ITGA8: variants seen among roughly 807,000 people sequenced by gnomAD.
ITGA8 encodes integrin subunit alpha 8.
ITGA8 carries 91 observed loss-of-function variants against 142.3 expected under a neutral mutation model. That is an observed-to-expected ratio of 0.64 (90% CI 0.54 to 0.76). The LOEUF (loss-of-function observed/expected upper bound fraction) is 0.76. Ranked by LOEUF, ITGA8 falls within the 30% of genes least tolerant of loss-of-function variation. The pLI is 0.00. For missense variants in ITGA8, 1,406 were observed against 1,327.7 expected (o/e 1.06, Z -0.92); for synonymous variants, 505 against 485.2 (o/e 1.04, Z -0.54).
intron 28 of ITGA8, among the ~76,000 whole-genome samples, chr10:15,520,911 G>C (rs1187632490): frequency 6.6e-6 from 1 of 152,178 alleles, no homozygotes; most frequent in African/African-American, 2.4e-5. Flanking sequence ...AAGGTTGGCG[G>C]CTCTGAGATT....
chr10:15,531,076 C>T lies in ITGA8; in HGVS notation c.2956G>A (p.Ala986Thr), dbSNP rs866133845. The change falls in exon 28 of 30, where the codon GCA becomes ACA. Residue 986 changes from alanine (A) to threonine (T), a missense_variant. Transcript: ENST00000378076. Reference protein sequence around the residue: ...VKKMPYTDQPAKLPEGSIVIK... With the variant: ...VKKMPYTDQPTKLPEGSIVIK... ...ACTATGCTTCCTTCTGGGAGTTTTGCTGGCTGATCTGTATAAGGCATCTTC... is the reference window on the plus strand; with the variant it reads ...ACTATGCTTCCTTCTGGGAGTTTTGTTGGCTGATCTGTATAAGGCATCTTC... The T allele has an allele frequency of 6.3e-7, 1 of 1,578,072 alleles. No individual in the cohort carries two copies. The highest frequency in any genetic ancestry group is 8.6e-7 in the Non-Finnish European group (1 of 1,162,556).
chr10:15,673,552 C>T lies in ITGA8; in HGVS notation c.677-803G>A, dbSNP rs12243920. On this transcript the variant is annotated intron_variant, in intron 6 of 29. Transcript: ENST00000378076. ...TATCAGGCATTACAGCCAACATTTCCTTTGGTATTCTAATAAAACATTTTG... is the reference window on the plus strand; with the variant it reads ...TATCAGGCATTACAGCCAACATTTCTTTTGGTATTCTAATAAAACATTTTG... Among the ~76,000 whole-genome samples, 658 of 152,250 alleles carry T rather than the reference C, an allele frequency of 4.3e-3. 2 individuals are homozygous for T. Among genetic ancestry groups the T allele is most frequent in the Middle Eastern group, 0.024 (7 of 294 alleles).
At chr10:15,656,087 A>C (rs955190869) in intron 10 of ITGA8, among the ~76,000 whole-genome samples, 2 of 152,180 alleles carry the variant, frequency 1.3e-5, no homozygotes, top group African/African-American at 4.8e-5. Flanking sequence ...CCTGTCTCAA[A>C]AGACAATATT....
chr10:15,571,111 G>A (rs1834173288), intron 25 of ITGA8, among the ~76,000 whole-genome samples: 1 of 152,202 alleles, frequency 6.6e-6, no homozygotes, highest in Non-Finnish European at 1.5e-5. Context: ...TAACACAAGT[G>A]GCCTTATGTA....
At chr10:15,559,373 GTA>G (rs1833936796) in intron 25 of ITGA8, among the ~76,000 whole-genome samples, 1 of 152,198 alleles carries the variant, frequency 6.6e-6, no homozygotes, top group Admixed American at 6.5e-5. Flanking sequence ...CTATCCAGCT[GTA>G]CCTAAGCTGC....
intron 27 of ITGA8, among the ~76,000 whole-genome samples, chr10:15,547,241 C>CCCT (rs1833690847): frequency 1.3e-5 from 2 of 152,170 alleles, no homozygotes; most frequent in Non-Finnish European, 2.9e-5. Context: ...ATGAAACTCT[C>CCCT]ATTTTCTTAG....
chr10:15,681,973 T>G (rs1208141598), intron 4 of ITGA8, among the ~76,000 whole-genome samples: 1 of 152,198 alleles, frequency 6.6e-6, no homozygotes, highest in Non-Finnish European at 1.5e-5. Flanking sequence ...ACTGACCTCT[T>G]AATAAACCCA....
intron 2 of ITGA8, among the ~76,000 whole-genome samples, chr10:15,693,733 G>T (rs1014072860): frequency 6.6e-6 from 1 of 152,152 alleles, no homozygotes; most frequent in Non-Finnish European, 1.5e-5. Context: ...AAATGAGGCT[G>T]AGAATATATT....
At chr10:15,614,266 A>C (rs1833354411) in intron 14 of ITGA8, among the ~76,000 whole-genome samples, 1 of 152,190 alleles carries the variant, frequency 6.6e-6, no homozygotes. Context: ...GATAGTTTTC[A>C]AGCTGAGCTT....
intron 13 of ITGA8, among the ~76,000 whole-genome samples, chr10:15,618,740 C>T (rs925006191): frequency 1.3e-5 from 2 of 152,194 alleles, no homozygotes; most frequent in Non-Finnish European, 1.5e-5. Context: ...GCTTCCTGCC[C>T]TCGAACATCA....
At chr10:15,662,294 T>C (rs1171095596) in intron 8 of ITGA8, among the ~76,000 whole-genome samples, 1 of 150,222 alleles carries the variant, frequency 6.7e-6, no homozygotes, top group Non-Finnish European at 1.5e-5. Flanking sequence ...CTTTTCCTTT[T>C]CAATAACTCA....
At chr10:15,642,168 A>G (rs927328308) in intron 13 of ITGA8, among the ~76,000 whole-genome samples, 4 of 152,144 alleles carry the variant, frequency 2.6e-5, no homozygotes, top group African/African-American at 7.2e-5. Flanking sequence ...ATCAATTACT[A>G]ACATTGCACA....
At chr10:15,653,831 C>CTTTTTTTT (rs111283505) in intron 11 of ITGA8, among the ~76,000 whole-genome samples, 1 of 130,014 alleles carries the variant, frequency 7.7e-6, no homozygotes, top group African/African-American at 2.8e-5. Flanking sequence ...TTTCTTTTTT[C>CTTTTTTTT]TTTTTTTTTT....
chr10:15,578,448 T>C (rs1483400115), intron 23 of ITGA8, among the ~76,000 whole-genome samples: 1 of 152,134 alleles, frequency 6.6e-6, no homozygotes, highest in African/African-American at 2.4e-5. Flanking sequence ...TTTTTGGCCA[T>C]TATTAACAAA....
chr10:15,613,330 TA>T (rs1357885206), intron 15 of ITGA8, among the ~76,000 whole-genome samples: 1 of 152,210 alleles, frequency 6.6e-6, no homozygotes, highest in African/African-American at 2.4e-5. Context: ...ATCTAAGAGC[TA>T]TCTCCAAGAT....
rs1368375745 is a variant in ITGA8 at position 15,516,033 on chromosome 10, G to A, written c.*1125C>T. On this transcript the variant is annotated 3_prime_UTR_variant, in exon 30 of 30. Transcript: ENST00000378076. Reference sequence around the variant, plus strand: ...TTTTTGTCTAAGTTATATTCAACATGTTTTCTCTGTGTATACAAGTACAAG... The same window carrying A: ...TTTTTGTCTAAGTTATATTCAACATATTTTCTCTGTGTATACAAGTACAAG... The A allele has an allele frequency of 6.6e-6, 1 of 152,082 alleles. No individual in the cohort carries two copies. The highest frequency in any genetic ancestry group is 1.5e-5 in the Non-Finnish European group (1 of 68,008). 9.4% of individuals were successfully genotyped at this position (152,082 alleles called of 1,614,324 possible). A position where few individuals can be genotyped will look rare whatever the true frequency, so the allele number is the denominator to read the frequency against.
intron 21 of ITGA8, among the ~76,000 whole-genome samples, chr10:15,594,880 C>T (rs1424791534): frequency 6.6e-6 from 1 of 152,076 alleles, no homozygotes; most frequent in Non-Finnish European, 1.5e-5. Flanking sequence ...TAGAGGCTAC[C>T]TAATGATGGT....
At chr10:15,711,443 ACT>A (rs1835362200) in intron 2 of ITGA8, among the ~76,000 whole-genome samples, 1 of 151,994 alleles carries the variant, frequency 6.6e-6, no homozygotes, top group African/African-American at 2.4e-5. Flanking sequence ...CAAATATGTA[ACT>A]CTCTTGCCTT....
intron 2 of ITGA8, among the ~76,000 whole-genome samples, chr10:15,688,652 T>C (rs1834877448): frequency 1.3e-5 from 2 of 152,218 alleles, no homozygotes; most frequent in South Asian, 2.1e-4. Context: ...TCATTGATCA[T>C]GTTCAAGTGG....
Sources: allele counts gnomAD v4.1 joint callset (sites outside exome capture counted in the v4.1 genomes callset), GRCh38; gene constraint gnomAD v4.1.1; transcripts MANE v1.5; gene names NCBI Gene and HGNC (gene_info 2026-07-23, HGNC 2026-07-21).